The following SLC39A11 variants were observed in gnomAD, a reference collection of about 807,000 sequenced individuals.
SLC39A11 encodes solute carrier family 39 member 11.
A neutral mutation model predicts 36.1 loss-of-function variants in SLC39A11; 33 were observed. The observed-to-expected ratio is 0.91, with a 90% CI of 0.69 to 1.22. The LOEUF (loss-of-function observed/expected upper bound fraction) is 1.22, where lower values mean the gene tolerates loss of function less well. SLC39A11 is among the 50% of genes most tolerant of loss of function. The probability of loss-of-function intolerance (pLI) is 0.00; values close to 1 mark genes in which losing one functional copy is unlikely to be tolerated. For missense variants in SLC39A11, 432 were observed against 430.3 expected (o/e 1.00, Z -0.03); for synonymous variants, 166 against 170.3 (o/e 0.97, Z 0.20).
intron 7 of SLC39A11, among the ~76,000 whole-genome samples, chr17:72,674,091 T>C (rs2071145928): frequency 6.6e-6 from 1 of 151,820 alleles, no homozygotes; most frequent in East Asian, 1.9e-4. Flanking sequence ...TAAATAAAGG[T>C]AGACTTGTAT....
At chr17:72,836,580 A>G (rs992800034) in intron 6 of SLC39A11, among the ~76,000 whole-genome samples, 1 of 151,964 alleles carries the variant, frequency 6.6e-6, no homozygotes, top group African/African-American at 2.4e-5. Context: ...GGTTCAAGCG[A>G]TTCACCTGCT....
At chr17:72,716,486 C>T (rs577048089) in intron 7 of SLC39A11, among the ~76,000 whole-genome samples, 6 of 151,860 alleles carry the variant, frequency 4.0e-5, no homozygotes, top group East Asian at 1.9e-4. Flanking sequence ...CATGGGCCAG[C>T]GTCTGAAGGC....
chr17:72,912,568 G>GGGATTACA (rs113938429), intron 5 of SLC39A11, among the ~76,000 whole-genome samples: 77,447 of 151,228 alleles, frequency 0.51, 19,820 homozygotes, highest in African/African-American at 0.54. Flanking sequence ...CCAAAGAGCT[G>GGGATTACA]GGAGCCTGCC....
chr17:72,993,210 C>A (rs111677676), intron 4 of SLC39A11, among the ~76,000 whole-genome samples: 2 of 151,996 alleles, frequency 1.3e-5, no homozygotes, highest in Admixed American at 1.3e-4. Context: ...GAATTTCCTA[C>A]AAGGGTAGGA....
At chr17:72,662,691 A>G in intron 7 of SLC39A11, among the ~76,000 whole-genome samples, 1 of 150,778 alleles carries the variant, frequency 6.6e-6, no homozygotes, top group African/African-American at 2.4e-5. Flanking sequence ...GAAAAGAAAA[A>G]GAAAAGGAAG....
chr17:72,738,367 A>T (rs2074525551), intron 6 of SLC39A11, among the ~76,000 whole-genome samples: 1 of 152,114 alleles, frequency 6.6e-6, no homozygotes. Context: ...AACCACCCTC[A>T]TATGGTGCAG....
intron 6 of SLC39A11, among the ~76,000 whole-genome samples, chr17:72,779,647 C>T (rs890403390): frequency 1.8e-4 from 27 of 152,164 alleles, no homozygotes; most frequent in Admixed American, 1.3e-3. Flanking sequence ...TCCACCTTCA[C>T]CCATTCAACA....
At chr17:73,008,290 C>T (rs560096774) in intron 4 of SLC39A11, among the ~76,000 whole-genome samples, 5 of 151,826 alleles carry the variant, frequency 3.3e-5, no homozygotes, top group Non-Finnish European at 2.9e-5. Context: ...TGTCACTGCA[C>T]CCAGCAGAAA....
chr17:72,994,903 T>C (rs1216024497), intron 4 of SLC39A11, among the ~76,000 whole-genome samples: 1 of 152,172 alleles, frequency 6.6e-6, no homozygotes, highest in Non-Finnish European at 1.5e-5. Context: ...TAATTGAACA[T>C]ATTACCCGAC....
At chr17:73,014,234 T>C (rs1026179727) in intron 4 of SLC39A11, among the ~76,000 whole-genome samples, 31 of 152,186 alleles carry the variant, frequency 2.0e-4, no homozygotes, top group African/African-American at 7.2e-4. Flanking sequence ...TATAATGAGA[T>C]GATCAGTTAA....
chr17:72,675,188 G>T (rs982193508), intron 7 of SLC39A11, among the ~76,000 whole-genome samples: 3 of 152,178 alleles, frequency 2.0e-5, no homozygotes, highest in African/African-American at 4.8e-5. Flanking sequence ...GATTGTGATG[G>T]TATTAGGAGC....
At chr17:73,004,649 C>G (rs1305947672) in intron 4 of SLC39A11, among the ~76,000 whole-genome samples, 1 of 152,202 alleles carries the variant, frequency 6.6e-6, no homozygotes, top group Non-Finnish European at 1.5e-5. Flanking sequence ...TAAAATAAGT[C>G]TCATTATTTG....
intron 7 of SLC39A11, among the ~76,000 whole-genome samples, chr17:72,725,895 T>C (rs756586808): frequency 2.6e-5 from 4 of 152,164 alleles, no homozygotes; most frequent in Non-Finnish European, 5.9e-5. Context: ...TAGAACAGGA[T>C]TGTGCCGAAG....
At chr17:73,080,985 A>C (rs1599193492) in intron 3 of SLC39A11, among the ~76,000 whole-genome samples, 1 of 150,642 alleles carries the variant, frequency 6.6e-6, no homozygotes, top group East Asian at 1.9e-4. Flanking sequence ...TAAATAAATA[A>C]ATAATAAAAA....
chr17:72,861,996 G>A (rs2080063999), intron 5 of SLC39A11, among the ~76,000 whole-genome samples: 1 of 151,244 alleles, frequency 6.6e-6, no homozygotes, highest in Admixed American at 6.6e-5. Flanking sequence ...ATGGTCAGGA[G>A]GAAAACTGGT....
chr17:72,722,849 C>T (rs562054680), intron 7 of SLC39A11, among the ~76,000 whole-genome samples: 3 of 151,994 alleles, frequency 2.0e-5, no homozygotes, highest in South Asian at 2.1e-4. Flanking sequence ...TTTGCCAAGC[C>T]GGTCTGTATC....
intron 6 of SLC39A11, among the ~76,000 whole-genome samples, chr17:72,784,824 GAA>G (rs2076448842): frequency 6.6e-6 from 1 of 151,256 alleles, no homozygotes; most frequent in Non-Finnish European, 1.5e-5. Context: ...AAAGCCTGCA[GAA>G]CTGTGGGCCA....
At chr17:72,834,230 T>C (rs931266015) in intron 6 of SLC39A11, among the ~76,000 whole-genome samples, 1 of 152,244 alleles carries the variant, frequency 6.6e-6, no homozygotes, top group Admixed American at 6.5e-5. Context: ...TAAGTCATGC[T>C]AAGGAGCTAA....
At chr17:72,959,602 A>G (rs2086483792) in intron 4 of SLC39A11, among the ~76,000 whole-genome samples, 1 of 151,956 alleles carries the variant, frequency 6.6e-6, no homozygotes, top group African/African-American at 2.4e-5. Flanking sequence ...ATAAAAGACT[A>G]CAAACAGGGT....
Sources: allele counts gnomAD v4.1 joint callset (sites outside exome capture counted in the v4.1 genomes callset), GRCh38; gene constraint gnomAD v4.1.1; transcripts MANE v1.5; gene names NCBI Gene and HGNC (gene_info 2026-07-23, HGNC 2026-07-21).